COPS7B: variants seen among roughly 807,000 people sequenced by gnomAD.
COPS7B encodes the protein COP9 signalosome subunit 7B, also known as COP9 signalosome complex subunit 7b.
A neutral mutation model predicts 33.4 loss-of-function variants in COPS7B; 9 were observed. The ratio of observed to expected loss-of-function variants is 0.27; its 90% CI spans 0.16 to 0.47. The LOEUF (loss-of-function observed/expected upper bound fraction) is 0.47, where lower values mean the gene tolerates loss of function less well. COPS7B is among the 20% of genes least tolerant of loss of function. The pLI is 0.99. For synonymous variants in COPS7B, 119 were observed against 126.3 expected (o/e 0.94, Z 0.39); for missense variants, 242 against 318.2 (o/e 0.76, Z 1.82).
In COPS7B at chr2:231,797,564, C is replaced by T. The variant is rs189809091; in HGVS notation, c.530+1256C>T. 1.7e-3 allele frequency among the ~76,000 whole-genome samples: 265 copies of T among 152,242 alleles called. 2 individuals are homozygous for T. The highest frequency in any genetic ancestry group is 4.4e-4 in the Non-Finnish European group (30 of 68,024). The stretch of plus-strand genomic sequence containing the variant: ...AGTCTGGTTTCCTGTTTTTAAGCCC[C>T]CAATATGTTTGACATAGAGGTGCCA... On this transcript the variant is annotated intron_variant, in intron 5 of 6. Coordinates refer to ENST00000350033, the MANE Select transcript of COPS7B (RefSeq NM_022730.4).
chr2:231,794,562 T>C (rs2049510156), intron 4 of COPS7B, among the ~76,000 whole-genome samples: 1 of 152,244 alleles, frequency 6.6e-6, no homozygotes, highest in African/African-American at 2.4e-5. Flanking sequence ...CAGCAGGTCT[T>C]AGTCCTGGCA....
chr2:231,808,364 TCTC>T lies in COPS7B; in HGVS notation c.*722_*724del. 2.2e-6 allele frequency: 1 copy of T among 454,596 alleles called. No homozygotes were observed. The highest frequency in any genetic ancestry group is 1.6e-5 in the South Asian group (1 of 62,144). 28.2% of individuals were successfully genotyped at this position (454,596 alleles called of 1,614,324 possible). A position where few individuals can be genotyped will look rare whatever the true frequency, so the allele number is the denominator to read the frequency against. ...AATGGTTCCTTCCGGCTTGGCGTTC[TCTC>T]CTGGCCACTCTTCCTGCTGCCTCTG... On this transcript the variant is annotated 3_prime_UTR_variant, in exon 7 of 7. Transcript: ENST00000350033.
At chr2:231,801,329 A>G (rs2049739085) in intron 6 of COPS7B, 5 of 1,491,702 alleles carry the variant, frequency 3.4e-6, no homozygotes, top group East Asian at 5.0e-5. Context: ...TAGTTCCAGC[A>G]TACCTGGGGG....
At chr2:231,790,171 T>C (rs2049371188) in intron 2 of COPS7B, 1 of 152,212 alleles carries the variant, frequency 6.6e-6, no homozygotes. Context: ...AGGGGTAATA[T>C]GTTCCTTCAG....
chr2:231,785,502 T>G (rs1045412836), upstream of COPS7B, among the ~76,000 whole-genome samples: 1 of 152,216 alleles, frequency 6.6e-6, no homozygotes, highest in Non-Finnish European at 1.5e-5. Flanking sequence ...TGTTGTCATA[T>G]CTTCCCCATA....
rs1162812035 is a variant in COPS7B at position 231,786,541 on chromosome 2, A to G, written c.-17+3A>G. 4.1e-6 allele frequency: 4 copies of G among 984,144 alleles called. No homozygotes were observed. The highest frequency in any genetic ancestry group is 1.1e-4 in the East Asian group (1 of 8,802). The allele number at this position is 984,144 out of a possible 1,614,324, so 61.0% of individuals were successfully genotyped here. A position where few individuals can be genotyped will look rare whatever the true frequency, so the allele number is the denominator to read the frequency against. ...GGACCGAGAGGTGGCGTGGACAGGTAGGAGCTAGCGAGAGGGTGGGCCGAG... is the reference window on the plus strand; with the variant it reads ...GGACCGAGAGGTGGCGTGGACAGGTGGGAGCTAGCGAGAGGGTGGGCCGAG... On this transcript the variant is annotated splice_donor_region_variant and intron_variant, in intron 1 of 6. Transcript: ENST00000350033.
At chr2:231,798,354 T>G (rs1325032796) in intron 5 of COPS7B, among the ~76,000 whole-genome samples, 1 of 150,694 alleles carries the variant, frequency 6.6e-6, no homozygotes, top group Non-Finnish European at 1.5e-5. Flanking sequence ...CCTCCCGGGT[T>G]CAAGTGATTC....
In COPS7B at chr2:231,794,255, C is replaced by A. The variant is rs746908242; in HGVS notation, c.239-8C>A. 5 of 1,612,374 alleles carry A rather than the reference C, an allele frequency of 3.1e-6. No homozygotes were observed. In the Middle Eastern group the frequency reaches 5.0e-4, roughly 160 times the overall value. On this transcript the variant is annotated splice_polypyrimidine_tract_variant and splice_region_variant and intron_variant, in intron 3 of 6. Coordinates refer to ENST00000350033, the MANE Select transcript of COPS7B (RefSeq NM_022730.4). ...GTCTTGATTTTTGTGGTGGGTGGGA[C>A]TGAGCAGCCAACAAGGAGAGCCTGC...
At position 231,796,277 on chromosome 2, in the gene COPS7B, A is replaced by G; in HGVS notation, c.499A>G (p.Ile167Val). Residue 167 changes from isoleucine (I) to valine (V), a missense_variant, in exon 5 of 7, where the codon ATC (isoleucine) becomes GTC (valine). By Grantham distance (29) the Ile-to-Val change is conservative (BLOSUM62 3). Coordinates refer to ENST00000350033, the MANE Select transcript of COPS7B (RefSeq NM_022730.4). ...TGGCCGTGACATCCGAAAGAAGGAT[A>G]TCAATAATATTGTCAAGACCCTGCA... ...CIGRDIRKKD[I>V]NNIVKTLHEW... is the part of the protein sequence containing the mutation. The G allele has an allele frequency of 6.2e-7, 1 of 1,614,204 alleles. No individual in the cohort carries two copies. The highest frequency in any genetic ancestry group is 8.5e-7 in the Non-Finnish European group (1 of 1,180,038).
At chr2:231,795,135 T>A (rs963355266) in intron 4 of COPS7B, among the ~76,000 whole-genome samples, 2 of 152,002 alleles carry the variant, frequency 1.3e-5, no homozygotes, top group East Asian at 3.9e-4. Flanking sequence ...GCCAGGCTGG[T>A]CTTGAACTCC....
chr2:231,798,772 G>A (rs2049654866), intron 5 of COPS7B, 87 bp from the exon 6 acceptor site: 1 of 1,049,644 alleles, frequency 9.5e-7, no homozygotes, highest in South Asian at 1.4e-5. Context: ...AAGATACTGG[G>A]GAGAGCTGTT....
At chr2:231,796,815 G>T (rs946187496) in intron 5 of COPS7B, among the ~76,000 whole-genome samples, 3 of 152,232 alleles carry the variant, frequency 2.0e-5, no homozygotes, top group African/African-American at 4.8e-5. Context: ...CACCGTGAGG[G>T]ACATGGAAGA....
At chr2:231,782,015 T>C, upstream of COPS7B, 2 of 792,026 alleles carry the variant, frequency 2.5e-6, no homozygotes, top group Non-Finnish European at 4.1e-6. Context: ...GCTGTATTCC[T>C]GGTTTGCACC....
Position 231,807,924 on chromosome 2 carries a change from C to G in COPS7B, c.*279C>G. The G allele has an allele frequency of 3.0e-6, 1 of 336,500 alleles. No individual in the cohort carries two copies. The highest frequency in any genetic ancestry group is 5.4e-5 in the South Asian group (1 of 18,438). The allele number at this position is 336,500 out of a possible 1,614,324, so 20.8% of individuals were successfully genotyped here. On this transcript the variant is annotated 3_prime_UTR_variant, in exon 7 of 7. Transcript: ENST00000350033. ...GCTTCCCTCCAGGAGGTTCTTGTCT[C>G]TGTGTAAGGGCTTGTCTCCCTCCCA...
intron 5 of COPS7B, among the ~76,000 whole-genome samples, chr2:231,798,254 CTTTTTT>C (rs532747492): frequency 8.6e-6 from 1 of 116,744 alleles, no homozygotes; most frequent in Admixed American, 9.3e-5. Flanking sequence ...ATTCTACCTT[CTTTTTT>C]TTTTTTTTTT....
At chr2:231,794,848 C>T (rs1420977640) in intron 4 of COPS7B, among the ~76,000 whole-genome samples, 1 of 152,016 alleles carries the variant, frequency 6.6e-6, no homozygotes, top group Non-Finnish European at 1.5e-5. Flanking sequence ...CTCTGCCTCC[C>T]AGATTCGAGC....
At chr2:231,786,573 C>T (rs1368222996) in intron 1 of COPS7B, 35 bp downstream of exon 1, 2 of 947,842 alleles carry the variant, frequency 2.1e-6, no homozygotes, top group Admixed American at 6.2e-5. Flanking sequence ...CGAGCGGGGC[C>T]GGCGCTCCAG....
chr2:231,799,289 G>T (rs2049673843), intron 6 of COPS7B, among the ~76,000 whole-genome samples: 1 of 152,180 alleles, frequency 6.6e-6, no homozygotes, highest in Non-Finnish European at 1.5e-5. Flanking sequence ...AAAATGGATA[G>T]AAGGATGGTG....
At position 231,801,229 on chromosome 2, in the gene COPS7B, C is replaced by T. The variant is rs1221712511; in HGVS notation, c.636+2265C>T. The T allele has an allele frequency of 1.9e-6, 3 of 1,549,960 alleles. No homozygotes were observed. In the South Asian group the frequency reaches 3.6e-5, roughly 18 times the overall value. On this transcript the variant is annotated intron_variant, in intron 6 of 6. Coordinates refer to ENST00000350033, the MANE Select transcript of COPS7B (RefSeq NM_022730.4). ...TCTGGTGAGTTGTAGCTTTAAGAGC[C>T]CTCCTTCTTAATGAAGTCAGCCCTA... is the stretch of plus-strand genomic sequence containing the variant.
Sources: gnomAD v4.1 joint callset for allele counts (sites outside exome capture counted in the v4.1 genomes callset) on GRCh38, gnomAD v4.1.1 for gene constraint, MANE v1.5 for transcripts, NCBI Gene and HGNC (gene_info 2026-07-23, HGNC 2026-07-21) for gene names.